The following PHF14 variants were observed in gnomAD, a reference collection of about 807,000 sequenced individuals.
PHF14 encodes the protein PHD finger protein 14.
PHF14 carries 55 observed loss-of-function variants against 117.9 expected under a neutral mutation model. That is an observed-to-expected ratio of 0.47 (90% confidence interval 0.38 to 0.58). The LOEUF (loss-of-function observed/expected upper bound fraction) is 0.58, where lower values mean the gene tolerates loss of function less well. Among genes scored for constraint, PHF14 ranks in the 20% least tolerant of loss-of-function variants. PHF14 has a pLI of 0.00. For synonymous variants in PHF14, 409 were observed against 368.6 expected (o/e 1.11, Z -1.26); for missense variants, 978 against 1,122.2 (o/e 0.87, Z 1.84).
At chr7:11,110,306 A>G (rs1453526056) in intron 16 of PHF14, 2 of 152,220 alleles carry the variant, frequency 1.3e-5, no homozygotes, top group Admixed American at 1.3e-4. Context: ...TGAAGTTTTA[A>G]ATCAGTGAAA....
rs1331524804 is a variant in PHF14, at chr7:11,122,350, TATACACACACACAC to T, written c.2772+10885_2772+10898del. Among the ~76,000 whole-genome samples, 9 of 63,094 alleles carry T rather than the reference TATACACACACACAC, an allele frequency of 1.4e-4. No homozygotes were observed. In the East Asian group the frequency reaches 3.5e-3, roughly 24 times the overall value. 41.4% of individuals were successfully genotyped at this position (63,094 alleles called of 152,430 possible). A position where few individuals can be genotyped will look rare whatever the true frequency, so the allele number is the denominator to read the frequency against. On this transcript the variant is annotated intron_variant, in intron 17 of 17. Coordinates refer to ENST00000634607, the MANE Select transcript of PHF14 (RefSeq NM_001007157.2). ...TACTTTTTATATATATATATATATATATACACACACACACACACACACACACACACACACATACA... is the reference window on the plus strand; with the variant it reads ...TACTTTTTATATATATATATATATATACACACACACACACACACACATACA...
At chr7:11,111,033 A>G (rs562778307) in intron 16 of PHF14, 41 of 181,552 alleles carry the variant, frequency 2.3e-4, no homozygotes, top group African/African-American at 9.6e-4. Flanking sequence ...CACAATTGAA[A>G]TTGTTGTGGT....
intron 7 of PHF14, 188 bp from the exon 8 acceptor site, chr7:11,035,452 G>A: frequency 2.8e-6 from 1 of 352,496 alleles, no homozygotes; most frequent in Non-Finnish European, 5.1e-6. Context: ...ATTTGAAGTT[G>A]ACATACAAGA....
At chr7:11,071,268 A>G (rs202147228) in intron 16 of PHF14, 1 of 518,614 alleles carries the variant, frequency 1.9e-6, no homozygotes, top group South Asian at 1.4e-5. Flanking sequence ...CCATGTTCCC[A>G]AGTCCATGTT....
chr7:11,006,865 T>C, intron 4 of PHF14: 1 of 613,094 alleles, frequency 1.6e-6, no homozygotes, highest in Non-Finnish European at 3.0e-6. Context: ...CTTTCGGCAC[T>C]GTCTTGTGAA....
chr7:10,993,107 T>C (rs1782519649), intron 4 of PHF14, among the ~76,000 whole-genome samples: 1 of 152,188 alleles, frequency 6.6e-6, no homozygotes. Flanking sequence ...TTTCTCATTT[T>C]TATTGCATAA....
intron 17 of PHF14, among the ~76,000 whole-genome samples, chr7:11,148,736 A>G (rs1356955530): frequency 2.0e-5 from 3 of 152,216 alleles, no homozygotes; most frequent in Non-Finnish European, 4.4e-5. Flanking sequence ...AAACATTTAT[A>G]TAAGTTTAAT....
Position 10,974,295 on chromosome 7 carries a change from TCTC to T in PHF14, c.-27_-25del. The T allele has an allele frequency of 6.3e-7, 1 of 1,584,112 alleles. No individual in the cohort carries two copies. The highest frequency in any genetic ancestry group is 1.2e-5 in the South Asian group (1 of 86,824). On this transcript the variant is annotated 5_prime_UTR_variant, in exon 1 of 18. Coordinates refer to ENST00000634607, the MANE Select transcript of PHF14 (RefSeq NM_001007157.2). ...GCTCCTGCAGCCTCTCCCTAAGTCTTCTCCAAACGACCACCTCACGGATTCCTT... is the reference window on the plus strand; with the variant it reads ...GCTCCTGCAGCCTCTCCCTAAGTCTTCAAACGACCACCTCACGGATTCCTT...
intron 4 of PHF14, among the ~76,000 whole-genome samples, chr7:10,995,965 G>C (rs1250288990): frequency 2.6e-5 from 4 of 152,232 alleles, no homozygotes; most frequent in Non-Finnish European, 5.9e-5. Flanking sequence ...AGCCCAGAGA[G>C]GGGCTCCCAC....
chr7:11,101,781 G>A (rs1171099573), intron 16 of PHF14, among the ~76,000 whole-genome samples: 1 of 151,544 alleles, frequency 6.6e-6, no homozygotes, highest in Non-Finnish European at 1.5e-5. Context: ...GTGACTACTT[G>A]GCATTTTTAC....
intron 5 of PHF14, among the ~76,000 whole-genome samples, chr7:11,017,658 C>T (rs1203078694): frequency 6.6e-6 from 1 of 151,754 alleles, no homozygotes; most frequent in Non-Finnish European, 1.5e-5. Context: ...TTATTTATCC[C>T]TTGTTAGTTG....
chr7:11,166,189 G>A (rs1209149796), intron 17 of PHF14, among the ~76,000 whole-genome samples: 1 of 151,966 alleles, frequency 6.6e-6, no homozygotes, highest in Non-Finnish European at 1.5e-5. Flanking sequence ...AGCCTCAAAG[G>A]ATACATTTTC....
chr7:11,045,018 TTGGGA>T (rs1784620340), intron 13 of PHF14, among the ~76,000 whole-genome samples: 1 of 152,194 alleles, frequency 6.6e-6, no homozygotes. Flanking sequence ...ATTTTTGGAT[TTGGGA>T]TGCTCAACCT....
chr7:11,019,810 T>C (rs1199150513), intron 5 of PHF14, among the ~76,000 whole-genome samples: 1 of 152,180 alleles, frequency 6.6e-6, no homozygotes, highest in Non-Finnish European at 1.5e-5. Context: ...TTCTTTAAGA[T>C]ATGTCATTGG....
intron 17 of PHF14, among the ~76,000 whole-genome samples, chr7:11,131,192 A>G (rs1433626546): frequency 1.3e-5 from 2 of 151,894 alleles, no homozygotes; most frequent in Non-Finnish European, 2.9e-5. Flanking sequence ...GTCAGGAAAT[A>G]CCAAGGAGTT....
At chr7:11,153,848 C>A (rs1038441997) in intron 17 of PHF14, among the ~76,000 whole-genome samples, 5 of 152,110 alleles carry the variant, frequency 3.3e-5, no homozygotes, top group African/African-American at 1.2e-4. Flanking sequence ...CTTAGACTTA[C>A]TCCCATGGCC....
At chr7:11,073,071 C>G (rs973066890) in intron 16 of PHF14, among the ~76,000 whole-genome samples, 1 of 152,168 alleles carries the variant, frequency 6.6e-6, no homozygotes, top group Non-Finnish European at 1.5e-5. Flanking sequence ...AACATCCAAA[C>G]TATATACTTT....
chr7:11,120,163 G>A (rs1409380352), intron 17 of PHF14, among the ~76,000 whole-genome samples: 4 of 151,956 alleles, frequency 2.6e-5, no homozygotes, highest in Non-Finnish European at 5.9e-5. Context: ...GCAATTTGGT[G>A]TAGATGAAAG....
In PHF14 at chr7:11,130,693, GT is replaced by G. The variant is rs1788069582; in HGVS notation, c.2772+19229del. Among the ~76,000 whole-genome samples, 1 of 151,772 alleles carries G rather than the reference GT, an allele frequency of 6.6e-6. No homozygotes were observed. Among genetic ancestry groups the G allele is most frequent in the Non-Finnish European group, 1.5e-5 (1 of 67,896 alleles). ...ACATTATTATTAACTAAAGTTTGTT[GT>G]TTACATTATAACTTATTTTTTGTGT... On this transcript the variant is annotated intron_variant, in intron 17 of 17. Coordinates refer to ENST00000634607, the MANE Select transcript of PHF14 (RefSeq NM_001007157.2). The surrounding 1 kb of genome is among the most constrained non-coding windows in gnomAD (Gnocchi z 4.2).
Sources: gnomAD v4.1 joint callset for allele counts (sites outside exome capture counted in the v4.1 genomes callset) on GRCh38, gnomAD v4.1.1 for gene constraint, Gnocchi (gnomAD v3.1) non-coding constraint, MANE v1.5 for transcripts, NCBI Gene and HGNC (gene_info 2026-07-23, HGNC 2026-07-21) for gene names.